Variants in APOL6 observed in about 807,000 individuals in gnomAD.
The protein encoded by APOL6 is apolipoprotein L6, also known as apolipoprotein L, 6.
APOL6 carries 1 observed loss-of-function variant against 2.4 expected under a neutral mutation model. The observed-to-expected ratio is 0.41, with a 90% confidence interval of 0.15 to 1.94. The LOEUF (loss-of-function observed/expected upper bound fraction) is 1.94, where lower values mean the gene tolerates loss of function less well. Among genes scored for constraint, APOL6 ranks in the 30% most tolerant of loss-of-function variants. The pLI is 0.30. For missense variants in APOL6, 438 were observed against 429.2 expected, an observed-to-expected ratio of 1.02 and a Z score of -0.18; for synonymous variants, 189 against 169.3, an observed-to-expected ratio of 1.12 and a Z score of -0.90.
chr22:35,651,700 A>C (rs993334587), intron 1 of APOL6, among the ~76,000 whole-genome samples: 1 of 152,138 alleles, frequency 6.6e-6, no homozygotes, highest in Non-Finnish European at 1.5e-5. Context: ...TTCCAGCTTC[A>C]TCCATGTCCC....
In APOL6 at chr22:35,658,995, A is replaced by G. The variant is rs768596928; in HGVS notation, c.431A>G (p.Asp144Gly). The change falls in exon 3 of 3, where the codon GAC (aspartate) becomes GGC (glycine). Residue 144 changes from aspartate to glycine, a missense_variant. By Grantham distance (94) the Asp-to-Gly change is moderately conservative. Transcript: ENST00000409652. The stretch of plus-strand genomic sequence containing the variant: ...AAAGAAGCCCAAGCACGGGCGGAAG[A>G]CATACTGCCCACCTACGACCAAGAG... ...KNKEAQARAE[D>G]ILPTYDQEDR... is the part of the protein sequence containing the mutation. 6.2e-7 allele frequency: 1 copy of G among 1,613,940 alleles called. No individual in the cohort carries two copies. The highest frequency in any genetic ancestry group is 1.1e-5 in the South Asian group (1 of 91,086).
At chr22:35,656,702 C>CATGGCTT (rs1353641476) in intron 2 of APOL6, among the ~76,000 whole-genome samples, 1 of 152,168 alleles carries the variant, frequency 6.6e-6, no homozygotes, top group Non-Finnish European at 1.5e-5. Flanking sequence ...AAGTCAGGCG[C>CATGGCTT]ATGGCTTTGG....
At chr22:35,650,444 A>G (rs1259013287) in intron 1 of APOL6, among the ~76,000 whole-genome samples, 1 of 152,230 alleles carries the variant, frequency 6.6e-6, no homozygotes, top group East Asian at 1.9e-4. Flanking sequence ...GCTTCTATGT[A>G]TCGCCTGGGG....
chr22:35,651,092 C>T (rs186780976), intron 1 of APOL6, among the ~76,000 whole-genome samples: 34 of 152,086 alleles, frequency 2.2e-4, no homozygotes, highest in African/African-American at 6.3e-4. Context: ...GCATTTCTGC[C>T]GTAAGCGCTG....
intron 1 of APOL6, among the ~76,000 whole-genome samples, chr22:35,651,026 G>A (rs181407293): frequency 7.6e-4 from 116 of 152,242 alleles, no homozygotes; most frequent in Non-Finnish European, 1.3e-3. Context: ...GAAGTGGAAG[G>A]GAAGAGGATG....
At position 35,666,091 on chromosome 22, in the gene APOL6, A is replaced by G. The variant is rs1925174655; in HGVS notation, c.*6495A>G. 6.6e-6 allele frequency: 1 copy of G among 151,956 alleles called. No homozygotes were observed. Among genetic ancestry groups the G allele is most frequent in the South Asian group, 2.1e-4 (1 of 4,824 alleles). The allele number at this position is 151,956 out of a possible 1,614,324, so 9.4% of individuals were successfully genotyped here. On this transcript the variant is annotated 3_prime_UTR_variant, in exon 3 of 3. Transcript: ENST00000409652. ...GGTGTATGTTCCAAAATTATGTGAA[A>G]CTCCTATAATTCTAATATAACTTAG...
intron 1 of APOL6, among the ~76,000 whole-genome samples, chr22:35,654,958 G>C (rs5750144): frequency 0.052 from 7,856 of 152,134 alleles, 333 homozygotes; most frequent in East Asian, 0.19. Flanking sequence ...TATAGGCCTG[G>C]AGATGGTACC....
rs1335736565 is a variant in APOL6 at position 35,663,134 on chromosome 22, T to A, written c.*3538T>A. ...GTTTTGTTGTTTGTTTCTGTCTTAGTCAAATCTGAAGGGGAACCCTAAATT... is the reference window on the plus strand; with the variant it reads ...GTTTTGTTGTTTGTTTCTGTCTTAGACAAATCTGAAGGGGAACCCTAAATT... On this transcript the variant is annotated 3_prime_UTR_variant, in exon 3 of 3. Transcript: ENST00000409652. The A allele has an allele frequency of 6.6e-6, 1 of 152,222 alleles. No homozygotes were observed. Among genetic ancestry groups the A allele is most frequent in the Non-Finnish European group, 1.5e-5 (1 of 68,036 alleles). The allele number at this position is 152,222 out of a possible 1,614,324, so 9.4% of individuals were successfully genotyped here. A position where few individuals can be genotyped will look rare whatever the true frequency, so the allele number is the denominator to read the frequency against.
Position 35,660,672 on chromosome 22 carries a change from C to A in APOL6, c.*1076C>A, listed in dbSNP as rs1312583799. The A allele has an allele frequency of 1.3e-5, 2 of 152,668 alleles. No homozygotes were observed. Among genetic ancestry groups the A allele is most frequent in the South Asian group, 1.9e-4 (1 of 5,222 alleles). 9.5% of individuals were successfully genotyped at this position (152,668 alleles called of 1,614,324 possible). On this transcript the variant is annotated 3_prime_UTR_variant, in exon 3 of 3. Transcript: ENST00000409652. ...TCTAAAATCAAGGCACCAGCAGATT[C>A]CACATCTCGTGAAGGCTCACTCTCT...
intron 1 of APOL6, among the ~76,000 whole-genome samples, chr22:35,649,664 G>T (rs554658145): frequency 6.6e-6 from 1 of 151,828 alleles, no homozygotes; most frequent in African/African-American, 2.4e-5. Context: ...CCAAGAGCAG[G>T]TCAGAGGGGA....
chr22:35,656,941 A>G (rs925377623), intron 2 of APOL6, among the ~76,000 whole-genome samples: 11 of 152,256 alleles, frequency 7.2e-5, no homozygotes, highest in Non-Finnish European at 1.5e-4. Flanking sequence ...AGTGAATTAG[A>G]CGAACTCTAT....
rs1281244800 is a variant in APOL6 at position 35,659,988 on chromosome 22, A to T, written c.*392A>T. 5.5e-6 allele frequency: 1 copy of T among 180,684 alleles called. No homozygotes were observed. Among genetic ancestry groups the T allele is most frequent in the Non-Finnish European group, 1.2e-5 (1 of 83,860 alleles). The allele number at this position is 180,684 out of a possible 1,614,324, so 11.2% of individuals were successfully genotyped here. On this transcript the variant is annotated 3_prime_UTR_variant, in exon 3 of 3. Coordinates refer to ENST00000409652, the MANE Select transcript of APOL6 (RefSeq NM_030641.4). ...CACCATTTTGGCCAGGCTGGTCTCG[A>T]ATTCCTGACCTCAAGTGATCCACCC...
At position 35,658,627 on chromosome 22, in the gene APOL6, C is replaced by G. The variant is rs369986072; in HGVS notation, c.63C>G (p.Asp21Glu). 1 of 1,609,508 alleles carries G rather than the reference C, an allele frequency of 6.2e-7. No homozygotes were observed. Residue 21 changes from aspartate to glutamate, a missense_variant, in exon 3 of 3, where the codon GAC (aspartate) becomes GAG (glutamate). Asp to Glu is a conservative substitution (Grantham distance 45). Coordinates refer to ENST00000409652, the MANE Select transcript of APOL6 (RefSeq NM_030641.4). ...AGVGLQRDED[D>E]APLCEDVELQ... Reference sequence around the variant, plus strand: ...CATTTCTCCTCAGGGATGAGGATGACGCTCCTCTGTGTGAAGACGTGGAGC... The same window carrying G: ...CATTTCTCCTCAGGGATGAGGATGAGGCTCCTCTGTGTGAAGACGTGGAGC...
At chr22:35,650,250 A>T (rs964215131) in intron 1 of APOL6, among the ~76,000 whole-genome samples, 10 of 152,236 alleles carry the variant, frequency 6.6e-5, no homozygotes, top group Non-Finnish European at 7.3e-5. Flanking sequence ...TCTTTGAAGC[A>T]TTCATTCTTT....
At chr22:35,654,669 A>G (rs1924797382) in intron 1 of APOL6, among the ~76,000 whole-genome samples, 1 of 152,132 alleles carries the variant, frequency 6.6e-6, no homozygotes, top group Non-Finnish European at 1.5e-5. Flanking sequence ...TCTTGGGAAT[A>G]CAATTTGTAC....
At chr22:35,658,581 G>A (rs746201216) in intron 2 of APOL6, 34 bp from the exon 3 acceptor site, 2 of 1,544,528 alleles carry the variant, frequency 1.3e-6, no homozygotes, top group Admixed American at 2.0e-5. Flanking sequence ...CATCTGGGAA[G>A]CTGAAGCAAA....
At position 35,661,012 on chromosome 22, in the gene APOL6, A is replaced by G. The variant is rs901163379; in HGVS notation, c.*1416A>G. 3.9e-5 allele frequency: 6 copies of G among 152,160 alleles called. No homozygotes were observed. The highest frequency in any genetic ancestry group is 1.4e-4 in the African/African-American group (6 of 41,422). 9.4% of individuals were successfully genotyped at this position (152,160 alleles called of 1,614,324 possible). A position where few individuals can be genotyped will look rare whatever the true frequency, so the allele number is the denominator to read the frequency against. Reference sequence around the variant, plus strand: ...TTAAATAACACCCCAAGCTACAGGAAGTGAGGCCTCTGATGGGGAGGTAGT... The same window carrying G: ...TTAAATAACACCCCAAGCTACAGGAGGTGAGGCCTCTGATGGGGAGGTAGT... On this transcript the variant is annotated 3_prime_UTR_variant, in exon 3 of 3. Coordinates refer to ENST00000409652, the MANE Select transcript of APOL6 (RefSeq NM_030641.4).
At position 35,662,482 on chromosome 22, in the gene APOL6, C is replaced by G. The variant is rs1925055549; in HGVS notation, c.*2886C>G. On this transcript the variant is annotated 3_prime_UTR_variant, in exon 3 of 3. Coordinates refer to ENST00000409652, the MANE Select transcript of APOL6 (RefSeq NM_030641.4). ...GATTGCCTCCTTTGGAAAGGCTAAT[C>G]AGAAACTCAAAAGAATGCAACTGTT... 1.3e-5 allele frequency: 2 copies of G among 152,212 alleles called. No homozygotes were observed. Among genetic ancestry groups the G allele is most frequent in the East Asian group, 3.8e-4 (2 of 5,202 alleles). 9.4% of individuals were successfully genotyped at this position (152,212 alleles called of 1,614,324 possible).
In APOL6 at chr22:35,663,255, G is replaced by C. The variant is rs1242499285; in HGVS notation, c.*3659G>C. On this transcript the variant is annotated 3_prime_UTR_variant, in exon 3 of 3. Transcript: ENST00000409652. ...ATAGGGGCTTTATTTACATAACACAGCCAGCTTTTTGCTAGCCAGACCAAA... is the reference window on the plus strand; with the variant it reads ...ATAGGGGCTTTATTTACATAACACACCCAGCTTTTTGCTAGCCAGACCAAA... 6.6e-6 allele frequency: 1 copy of C among 152,118 alleles called. No individual in the cohort carries two copies. The highest frequency in any genetic ancestry group is 1.5e-5 in the Non-Finnish European group (1 of 68,016). The allele number at this position is 152,118 out of a possible 1,614,324, so 9.4% of individuals were successfully genotyped here.
Sources: allele counts gnomAD v4.1 joint callset (sites outside exome capture counted in the v4.1 genomes callset), GRCh38; gene constraint gnomAD v4.1.1; transcripts MANE v1.5; gene names NCBI Gene and HGNC (gene_info 2026-07-23, HGNC 2026-07-21).